Variants in C1orf198 observed in about 807,000 individuals in gnomAD.
C1orf198 encodes uncharacterized protein C1orf198.
C1orf198 carries 17 observed loss-of-function variants against 31.4 expected under a neutral mutation model. The ratio of observed to expected loss-of-function variants is 0.54; its 90% CI spans 0.37 to 0.81. C1orf198 has a LOEUF of 0.81. Ranked by LOEUF, C1orf198 falls within the 40% of genes least tolerant of loss-of-function variation. The pLI, the probability that C1orf198 is intolerant of heterozygous loss-of-function variation, is 0.00. For missense variants in C1orf198, 401 were observed against 450.3 expected, an observed-to-expected ratio of 0.89 and a Z score of 0.99; for synonymous variants, 175 against 193.8, an observed-to-expected ratio of 0.90 and a Z score of 0.81.
rs147737250 is a variant in C1orf198 at position 230,849,543 on chromosome 1, G to A, written c.385-5647C>T. ...CCCTCCAGCCAGGCCAGGGCTGGGC[G>A]TCAGTCACCCCATGCGGGGAACTGG... On this transcript the variant is annotated intron_variant, in intron 2 of 3. Coordinates refer to ENST00000366663, the MANE Select transcript of C1orf198 (RefSeq NM_032800.3). 1.3e-3 allele frequency among the ~76,000 whole-genome samples: 196 copies of A among 152,340 alleles called. 1 individual carries two copies. The highest frequency in any genetic ancestry group is 4.4e-3 in the African/African-American group (183 of 41,584).
intron 2 of C1orf198, among the ~76,000 whole-genome samples, chr1:230,852,017 T>G (rs1235938859): frequency 2.0e-5 from 3 of 152,208 alleles, no homozygotes; most frequent in African/African-American, 7.2e-5. Flanking sequence ...CTTACCCTTG[T>G]GTAGGTAGAT....
chr1:230,855,824 C>A, intron 1 of C1orf198, 106 bp from the exon 2 acceptor site: 2 of 1,522,472 alleles, frequency 1.3e-6, no homozygotes, highest in South Asian at 1.3e-5. Flanking sequence ...ATAATCCCAA[C>A]TCCTGGCTCT....
At chr1:230,847,482 A>C (rs1669626116) in intron 2 of C1orf198, among the ~76,000 whole-genome samples, 3 of 152,192 alleles carry the variant, frequency 2.0e-5, no homozygotes, top group Admixed American at 2.0e-4. Context: ...GAGATTGTGC[A>C]GCTGGGATTT....
At chr1:230,868,143 G>C in intron 1 of C1orf198, 37 bp downstream of exon 1, 1 of 1,350,404 alleles carries the variant, frequency 7.4e-7, no homozygotes, top group Non-Finnish European at 9.5e-7. Context: ...CGGGGCGCCG[G>C]GAGGGGAAGA....
At chr1:230,845,102 C>T (rs911572527) in intron 2 of C1orf198, among the ~76,000 whole-genome samples, 2 of 151,832 alleles carry the variant, frequency 1.3e-5, no homozygotes, top group African/African-American at 4.8e-5. Context: ...TGTGGTGGCT[C>T]ACGCCTATAA....
At position 230,838,288 on chromosome 1, in the gene C1orf198, G is replaced by A. The variant is rs1669353351; in HGVS notation, c.*1564C>T. The A allele has an allele frequency of 6.6e-6, 1 of 152,290 alleles. No homozygotes were observed. Among genetic ancestry groups the A allele is most frequent in the African/African-American group, 2.4e-5 (1 of 41,432 alleles). The allele number at this position is 152,290 out of a possible 1,614,324, so 9.4% of individuals were successfully genotyped here. A position where few individuals can be genotyped will look rare whatever the true frequency, so the allele number is the denominator to read the frequency against. On this transcript the variant is annotated 3_prime_UTR_variant, in exon 4 of 4. Transcript: ENST00000366663. This position sits in a 1 kb window ranked among gnomAD's most constrained non-coding sequence, Gnocchi z 4.2. ...AAGAACCAATATTTGAAAAGTTACA[G>A]TAAATCACTGAAGCAGAAAGATAAA... is the stretch of plus-strand genomic sequence containing the variant.
In C1orf198 at chr1:230,855,696, T is replaced by G; in HGVS notation, c.356A>C (p.His119Pro). Residue 119 changes from histidine to proline, a missense_variant, in exon 2 of 4, where the codon CAC becomes CCC. Physicochemically the swap from His to Pro is moderately conservative, Grantham distance 77 (BLOSUM62 -2). Transcript: ENST00000366663. ...TGTTTCCCAGGAGAAAGGGGCAGAG[T>G]GCTCATCTTGCCAAGTTAGATCCTG... is the stretch of plus-strand genomic sequence containing the variant. ...GDEDLTWQDE[H>P]SAPFSWETKS... 1 of 1,613,272 alleles carries G rather than the reference T, an allele frequency of 6.2e-7. No homozygotes were observed. Among genetic ancestry groups the G allele is most frequent in the Non-Finnish European group, 8.5e-7 (1 of 1,179,594 alleles).
chr1:230,867,444 T>C lies in C1orf198; in HGVS notation c.333+736A>G, dbSNP rs115851257. Reference sequence around the variant, plus strand: ...CTGGACAGTGTCTAGATCTGAGACCTAAACATGCCCTGTTATGTGGCCAAG... The same window carrying C: ...CTGGACAGTGTCTAGATCTGAGACCCAAACATGCCCTGTTATGTGGCCAAG... On this transcript the variant is annotated intron_variant, in intron 1 of 3. Coordinates refer to ENST00000366663, the MANE Select transcript of C1orf198 (RefSeq NM_032800.3). Among the ~76,000 whole-genome samples, 214 of 152,296 alleles carry C rather than the reference T, an allele frequency of 1.4e-3. 2 individuals carry two copies. Among genetic ancestry groups the C allele is most frequent in the African/African-American group, 4.9e-3 (202 of 41,548 alleles).
chr1:230,854,799 A>G (rs760224146), intron 2 of C1orf198, among the ~76,000 whole-genome samples: 1 of 152,102 alleles, frequency 6.6e-6, no homozygotes, highest in Non-Finnish European at 1.5e-5. Context: ...CACCCTCCTC[A>G]TAGGTCTCCT....
At chr1:230,852,126 C>G (rs1347395994) in intron 2 of C1orf198, among the ~76,000 whole-genome samples, 1 of 152,106 alleles carries the variant, frequency 6.6e-6, no homozygotes, top group East Asian at 1.9e-4. Context: ...GTTACATCTA[C>G]CCAACATGTG....
At chr1:230,846,826 G>A (rs1244381882) in intron 2 of C1orf198, among the ~76,000 whole-genome samples, 2 of 152,122 alleles carry the variant, frequency 1.3e-5, no homozygotes, top group African/African-American at 2.4e-5. Flanking sequence ...CCAGGCGGCC[G>A]GGCGCGGTGG....
chr1:230,858,050 C>T (rs1409285189), intron 1 of C1orf198, among the ~76,000 whole-genome samples: 2 of 152,184 alleles, frequency 1.3e-5, no homozygotes, highest in East Asian at 1.9e-4. Flanking sequence ...TTCAGTTAAA[C>T]TCAAGTCACT....
rs1191112008 is a variant in C1orf198, at chr1:230,837,853, A to G, written c.*1999T>C. On this transcript the variant is annotated 3_prime_UTR_variant, in exon 4 of 4. Transcript: ENST00000366663. ...ATACTAAGTGAGGCAGAAGCTTTCA[A>G]TAATTCCTACAGCCCTCAGCACCAA... 3 of 152,258 alleles carry G rather than the reference A, an allele frequency of 2.0e-5. No homozygotes were observed. The highest frequency in any genetic ancestry group is 4.4e-5 in the Non-Finnish European group (3 of 68,040). The allele number at this position is 152,258 out of a possible 1,614,324, so 9.4% of individuals were successfully genotyped here. A position where few individuals can be genotyped will look rare whatever the true frequency, so the allele number is the denominator to read the frequency against.
Position 230,839,123 on chromosome 1 carries a change from T to C in C1orf198, c.*729A>G, listed in dbSNP as rs1669380104. On this transcript the variant is annotated 3_prime_UTR_variant, in exon 4 of 4. Transcript: ENST00000366663. ...AAAACCAAGGAAAGTGGTAGCCCCA[T>C]TGTTGATAATCTAGATACAAAATAA... 6.6e-6 allele frequency: 1 copy of C among 152,296 alleles called. No homozygotes were observed. The highest frequency in any genetic ancestry group is 2.4e-5 in the African/African-American group (1 of 41,452). 9.4% of individuals were successfully genotyped at this position (152,296 alleles called of 1,614,324 possible). A position where few individuals can be genotyped will look rare whatever the true frequency, so the allele number is the denominator to read the frequency against.
rs1218790917 is a variant in C1orf198 at position 230,868,518 on chromosome 1, G to C, written c.-6C>G. 3.8e-6 allele frequency: 5 copies of C among 1,326,360 alleles called. No individual in the cohort carries two copies. In the Admixed American group the frequency reaches 1.7e-4, roughly 44 times the overall value. 82.2% of individuals were successfully genotyped at this position (1,326,360 alleles called of 1,614,324 possible). ...GCCGCCGCCATGGACGCCATGCCCG[G>C]CCTGCCCGCCGCTCCCGGCCCGCGC... On this transcript the variant is annotated 5_prime_UTR_variant, in exon 1 of 4. Transcript: ENST00000366663.
At chr1:230,861,381 T>A (rs1439084079) in intron 1 of C1orf198, among the ~76,000 whole-genome samples, 1 of 152,256 alleles carries the variant, frequency 6.6e-6, no homozygotes, top group Middle Eastern at 3.4e-3. Context: ...AAAAACTGAA[T>A]TTTTTTAAAG....
intron 2 of C1orf198, among the ~76,000 whole-genome samples, chr1:230,848,828 G>A (rs997042025): frequency 2.6e-5 from 4 of 152,088 alleles, no homozygotes; most frequent in African/African-American, 7.2e-5. Flanking sequence ...GTCTAGATCC[G>A]ACTCTGCTCA....
rs577324460 is a variant in C1orf198 at position 230,840,212 on chromosome 1, T to G, written c.928-304A>C. 6.6e-6 allele frequency among the ~76,000 whole-genome samples: 1 copy of G among 152,224 alleles called. No individual in the cohort carries two copies. Among genetic ancestry groups the G allele is most frequent in the East Asian group, 1.9e-4 (1 of 5,202 alleles). On this transcript the variant is annotated intron_variant, in intron 3 of 3. Coordinates refer to ENST00000366663, the MANE Select transcript of C1orf198 (RefSeq NM_032800.3). This position sits in a 1 kb window ranked among gnomAD's most constrained non-coding sequence, Gnocchi z 4.0. ...TATTTTTCTATAAATCTTTTCTGTT[T>G]CTGAATGACAGCCATGTTTAAATTT...
At position 230,843,238 on chromosome 1, in the gene C1orf198, A is replaced by G. The variant is rs1163218841; in HGVS notation, c.927+116T>C. ...CATCCTCTGAGGAAGAGGCAGGGGA[A>G]GGAGAAGAAAAAGAGCATGGGCACC... On this transcript the variant is annotated intron_variant, in intron 3 of 3. Coordinates refer to ENST00000366663, the MANE Select transcript of C1orf198 (RefSeq NM_032800.3). The surrounding 1 kb of genome is among the most constrained non-coding windows in gnomAD (Gnocchi z 4.9). 4 of 1,205,734 alleles carry G rather than the reference A, an allele frequency of 3.3e-6. No homozygotes were observed. The highest frequency in any genetic ancestry group is 4.6e-6 in the Non-Finnish European group (4 of 871,900). 74.7% of individuals were successfully genotyped at this position (1,205,734 alleles called of 1,614,324 possible). A position where few individuals can be genotyped will look rare whatever the true frequency, so the allele number is the denominator to read the frequency against.
Sources: allele counts gnomAD v4.1 joint callset (sites outside exome capture counted in the v4.1 genomes callset), GRCh38; gene constraint gnomAD v4.1.1; non-coding constraint Gnocchi (gnomAD v3.1); transcripts MANE v1.5; gene names NCBI Gene and HGNC (gene_info 2026-07-23, HGNC 2026-07-21).